The following FBLN5 variants were observed in gnomAD, a reference collection of about 807,000 sequenced individuals.
FBLN5 encodes fibulin-5.
Under a neutral mutation model 61.6 loss-of-function variants are expected in FBLN5, and 24 were observed. The ratio of observed to expected loss-of-function variants is 0.39; its 90% CI spans 0.28 to 0.55. The LOEUF (loss-of-function observed/expected upper bound fraction) is 0.55. Among genes scored for constraint, FBLN5 ranks in the 20% least tolerant of loss-of-function variants. The pLI is 0.65. For missense variants in FBLN5, 470 were observed against 594.1 expected (o/e 0.79, Z 2.17); for synonymous variants, 213 against 219.8 (o/e 0.97, Z 0.27).
At chr14:91,944,313 C>A (rs770281489) in intron 1 of FBLN5, among the ~76,000 whole-genome samples, 1 of 152,152 alleles carries the variant, frequency 6.6e-6, no homozygotes, top group African/African-American at 2.4e-5. Flanking sequence ...AAAGAGCAAG[C>A]GTTAGGGAGG....
chr14:91,893,225 A>G (rs1890070112), intron 5 of FBLN5, among the ~76,000 whole-genome samples: 1 of 152,238 alleles, frequency 6.6e-6, no homozygotes, highest in African/African-American at 2.4e-5. Context: ...ATGACATAAT[A>G]TTCAACATCC....
chr14:91,872,539 C>T lies in FBLN5; in HGVS notation c.1186-2154G>A, dbSNP rs1004245258. 6.6e-5 allele frequency among the ~76,000 whole-genome samples: 10 copies of T among 152,248 alleles called. No homozygotes were observed. The East Asian group carries it at 9.6e-4, about 15-fold the overall frequency. ...TTTATCTGTCTCCATAAAAGGAGGG[C>T]GCCCCATAAAGTTCTGAACATCCCC... On this transcript the variant is annotated intron_variant, in intron 10 of 10. Coordinates refer to ENST00000342058, the MANE Select transcript of FBLN5 (RefSeq NM_006329.4).
chr14:91,893,211 T>C (rs554755737), intron 5 of FBLN5, among the ~76,000 whole-genome samples: 1 of 152,350 alleles, frequency 6.6e-6, no homozygotes, highest in South Asian at 2.1e-4. Flanking sequence ...GCTATAAAAG[T>C]TGGATGACAT....
chr14:91,941,742 C>T (rs571946327), intron 2 of FBLN5, among the ~76,000 whole-genome samples: 6 of 151,264 alleles, frequency 4.0e-5, no homozygotes, highest in Admixed American at 1.3e-4. Flanking sequence ...CTACTCTCTG[C>T]GTAACTTTTC....
intron 4 of FBLN5, among the ~76,000 whole-genome samples, chr14:91,934,964 T>C (rs920591970): frequency 1.3e-5 from 2 of 152,132 alleles, no homozygotes; most frequent in Admixed American, 6.5e-5. Context: ...CGAGGGCCAT[T>C]TGAAAGCCCT....
intron 4 of FBLN5, among the ~76,000 whole-genome samples, chr14:91,933,340 G>A (rs2055959172): frequency 6.6e-6 from 1 of 151,960 alleles, no homozygotes; most frequent in African/African-American, 2.4e-5. Context: ...AGTGGCACGA[G>A]CTCGGCTCAC....
intron 5 of FBLN5, 113 bp downstream of exon 5, chr14:91,894,837 C>CCT: frequency 1.7e-5 from 11 of 651,954 alleles, no homozygotes; most frequent in Middle Eastern, 3.1e-4. Flanking sequence ...CCCGCCCTCC[C>CCT]TAGCAAAGAA....
chr14:91,937,076 A>G lies in FBLN5; in HGVS notation c.250T>C (p.Tyr84His), dbSNP rs1252275522. 6.2e-7 allele frequency: 1 copy of G among 1,613,914 alleles called. No individual in the cohort carries two copies. The highest frequency in any genetic ancestry group is 1.7e-5 in the Admixed American group (1 of 59,998). ...PVYRGPYSNP[Y>H]STPYSGPYPA... ...TACGGACCTGAGTAGGGGGTCGAGT[A>G]GGGGTTCGAGTAGGGCCCTCGATAC... is the stretch of plus-strand genomic sequence containing the variant. Residue 84 changes from tyrosine to histidine, a missense_variant, in exon 4 of 11, where the codon TAC becomes CAC. Physicochemically the swap from Tyr to His is moderately conservative, Grantham distance 83. Transcript: ENST00000342058.
At chr14:91,932,496 T>A (rs768408701) in intron 4 of FBLN5, among the ~76,000 whole-genome samples, 7 of 152,146 alleles carry the variant, frequency 4.6e-5, no homozygotes, top group Non-Finnish European at 1.0e-4. Context: ...AAGTGCTTCC[T>A]TGAAAGTGGG....
At chr14:91,924,785 G>GGGTGC (rs2055799155) in intron 4 of FBLN5, among the ~76,000 whole-genome samples, 1 of 152,064 alleles carries the variant, frequency 6.6e-6, no homozygotes, top group African/African-American at 2.4e-5. Context: ...AATAAGTACA[G>GGGTGC]GGTGCTGTGG....
intron 4 of FBLN5, among the ~76,000 whole-genome samples, chr14:91,933,561 C>T (rs1174761150): frequency 6.6e-6 from 1 of 152,128 alleles, no homozygotes; most frequent in African/African-American, 2.4e-5. Context: ...AGCCACCGTG[C>T]CTGGCCTTAA....
chr14:91,896,721 G>C (rs766345769), intron 4 of FBLN5, among the ~76,000 whole-genome samples: 1 of 152,134 alleles, frequency 6.6e-6, no homozygotes. Context: ...GCAGATTCAG[G>C]GGGGAGCTGG....
chr14:91,879,268 G>C (rs1205651130), intron 9 of FBLN5, among the ~76,000 whole-genome samples: 3 of 152,170 alleles, frequency 2.0e-5, no homozygotes, highest in Non-Finnish European at 4.4e-5. Flanking sequence ...CTGAAAGATG[G>C]GGCAGGACTG....
Position 91,894,939 on chromosome 14 carries a change from A to G in FBLN5, c.502+11T>C, listed in dbSNP as rs1890159132. The G allele has an allele frequency of 6.3e-7, 1 of 1,590,568 alleles. No individual in the cohort carries two copies. Among genetic ancestry groups the G allele is most frequent in the Non-Finnish European group, 8.6e-7 (1 of 1,165,098 alleles). On this transcript the variant is annotated intron_variant, in intron 5 of 10. Coordinates refer to ENST00000342058, the MANE Select transcript of FBLN5 (RefSeq NM_006329.4). The stretch of plus-strand genomic sequence containing the variant: ...CCAAGAGTCCCTGTGACCCCCCCAG[A>G]GAGCTGTTACCTAAGCACTGGCCTT...
At chr14:91,888,624 AT>A (rs1407245690) in intron 6 of FBLN5, among the ~76,000 whole-genome samples, 19 of 147,900 alleles carry the variant, frequency 1.3e-4, no homozygotes, top group East Asian at 4.0e-4. Flanking sequence ...AAAAAAAAAA[AT>A]ACATATATAT....
At chr14:91,936,657 T>G (rs1595346844) in intron 4 of FBLN5, among the ~76,000 whole-genome samples, 1 of 151,988 alleles carries the variant, frequency 6.6e-6, no homozygotes, top group Non-Finnish European at 1.5e-5. Context: ...AATATATAGA[T>G]GAGTTATAGA....
chr14:91,886,915 C>A (rs1255303644), intron 7 of FBLN5, among the ~76,000 whole-genome samples: 1 of 152,178 alleles, frequency 6.6e-6, no homozygotes, highest in Non-Finnish European at 1.5e-5. Flanking sequence ...AATCGGGTGA[C>A]TGCTCTCCCT....
chr14:91,913,537 T>C (rs995007533), intron 4 of FBLN5, among the ~76,000 whole-genome samples: 15 of 152,192 alleles, frequency 9.9e-5, no homozygotes, highest in East Asian at 7.7e-4. Context: ...GTGAGCAGCA[T>C]AGAAGACAAT....
At position 91,919,390 on chromosome 14, in the gene FBLN5, A is replaced by AAAGGAAGGAAGG. The variant is rs3031540; in HGVS notation, c.379+17545_379+17556dup. On this transcript the variant is annotated intron_variant, in intron 4 of 10. Coordinates refer to ENST00000342058, the MANE Select transcript of FBLN5 (RefSeq NM_006329.4). ...AGAAAAGAAAAGAAAAGAAAGAAAG[A>AAAGGAAGGAAGG]AAGGAAGGAAGGAAGGAAGGAAGGA... Among the ~76,000 whole-genome samples, 590 of 99,542 alleles carry AAAGGAAGGAAGG rather than the reference A, an allele frequency of 5.9e-3. 5 individuals carry two copies. Among genetic ancestry groups the AAAGGAAGGAAGG allele is most frequent in the African/African-American group, 6.8e-3 (189 of 27,958 alleles). The allele number at this position is 99,542 out of a possible 152,430, so 65.3% of individuals were successfully genotyped here.
Sources: allele counts gnomAD v4.1 joint callset (sites outside exome capture counted in the v4.1 genomes callset), GRCh38; gene constraint gnomAD v4.1.1; transcripts MANE v1.5; gene names NCBI Gene and HGNC (gene_info 2026-07-23, HGNC 2026-07-21).